STOX2: variants seen among roughly 807,000 people sequenced by gnomAD.
STOX2 encodes storkhead-box protein 2.
In STOX2, 28 loss-of-function variants were observed where a neutral mutation model predicts 60.9. That is an observed-to-expected ratio of 0.46 (90% confidence interval 0.34 to 0.63). The LOEUF is 0.63. Ranked by LOEUF, STOX2 falls within the 30% of genes least tolerant of loss-of-function variation. The pLI, the probability that STOX2 is intolerant of heterozygous loss-of-function variation, is 0.01. For synonymous variants in STOX2, 472 were observed against 463.9 expected, an observed-to-expected ratio of 1.02 and a Z score of -0.22; for missense variants, 1,024 against 1,187.7, an observed-to-expected ratio of 0.86 and a Z score of 2.03.
chr4:183,892,289 A>AT (rs71591605), intron 1 of STOX2, among the ~76,000 whole-genome samples: 1 of 151,950 alleles, frequency 6.6e-6, no homozygotes, highest in Non-Finnish European at 1.5e-5. Context: ...CATAGGTGTA[A>AT]TTTTTTTGAG....
intron 1 of STOX2, among the ~76,000 whole-genome samples, chr4:183,948,232 A>AC (rs1742957040): frequency 6.6e-6 from 1 of 150,554 alleles, no homozygotes; most frequent in African/African-American, 2.4e-5. Context: ...AAAAAAAAAA[A>AC]AAAAAAAAAA....
At chr4:183,921,537 G>A (rs1742099168) in intron 1 of STOX2, among the ~76,000 whole-genome samples, 1 of 152,166 alleles carries the variant, frequency 6.6e-6, no homozygotes, top group African/African-American at 2.4e-5. Context: ...CAGGAGGATG[G>A]GTTCAGTAAC....
In STOX2 at chr4:183,827,148, G is replaced by A. The variant is rs113022308; in HGVS notation, c.364+29093G>A. ...TGGCTGCAACCACCGTATTTTTATAGCACTGAAATAAAAATAACCCCTATT... is the reference window on the plus strand; with the variant it reads ...TGGCTGCAACCACCGTATTTTTATAACACTGAAATAAAAATAACCCCTATT... On this transcript the variant is annotated intron_variant, in intron 1 of 2. Coordinates refer to the STOX2 transcript ENST00000513034. Among the ~76,000 whole-genome samples the A allele has an allele frequency of 7.6e-3, 1,160 of 152,202 alleles. 12 individuals carry two copies. Among genetic ancestry groups the A allele is most frequent in the African/African-American group, 0.027 (1,125 of 41,514 alleles).
At chr4:183,878,197 A>G (rs1740875420) in intron 1 of STOX2, among the ~76,000 whole-genome samples, 3 of 152,224 alleles carry the variant, frequency 2.0e-5, no homozygotes, top group East Asian at 3.8e-4. Context: ...AGCTTCATTT[A>G]TACAACTCTG....
intron 1 of STOX2, among the ~76,000 whole-genome samples, chr4:183,920,654 C>G (rs1742074899): frequency 6.6e-6 from 1 of 152,270 alleles, no homozygotes; most frequent in East Asian, 1.9e-4. Flanking sequence ...ATAAAGCCTC[C>G]TAAGATCTGG....
intron 1 of STOX2, among the ~76,000 whole-genome samples, chr4:183,843,026 G>A (rs1243034926): frequency 6.6e-6 from 1 of 151,662 alleles, no homozygotes; most frequent in Non-Finnish European, 1.5e-5. Flanking sequence ...GCAGGTGCCT[G>A]TAATCCCAGC....
rs750484811 is a variant in STOX2 at position 183,825,916 on chromosome 4, C to G, written c.364+27861C>G. ...GATGGGGAGAAGGCGCGAGAAGGGT[C>G]GTTGGCTGTGAGCTGAAAATCGACA... On this transcript the variant is annotated intron_variant, in intron 1 of 2. Transcript: ENST00000513034. The surrounding 1 kb of genome is among the most constrained non-coding windows in gnomAD (Gnocchi z 4.1). Among the ~76,000 whole-genome samples the G allele has an allele frequency of 1.5e-4, 23 of 152,246 alleles. No individual in the cohort carries two copies. Among genetic ancestry groups the G allele is most frequent in the Non-Finnish European group, 2.6e-4 (18 of 67,998 alleles).
chr4:184,001,798 G>A lies in STOX2; in HGVS notation c.319+321G>A, dbSNP rs554230702. On this transcript the variant is annotated intron_variant, in intron 2 of 3. Transcript: ENST00000308497. The surrounding 1 kb of genome is among the most constrained non-coding windows in gnomAD (Gnocchi z 4.2). ...CTAATCTTTAAATACATGAACGTGAGGGTTCAACGGCTGAAAACTTTAGTC... is the reference window on the plus strand; with the variant it reads ...CTAATCTTTAAATACATGAACGTGAAGGTTCAACGGCTGAAAACTTTAGTC... Among the ~76,000 whole-genome samples, 1 of 152,106 alleles carries A rather than the reference G, an allele frequency of 6.6e-6. No homozygotes were observed. The highest frequency in any genetic ancestry group is 2.1e-4 in the South Asian group (1 of 4,812).
At chr4:183,925,839 A>G (rs990562497) in intron 1 of STOX2, among the ~76,000 whole-genome samples, 4 of 152,192 alleles carry the variant, frequency 2.6e-5, no homozygotes, top group African/African-American at 9.6e-5. Context: ...TAGCATATCA[A>G]TGGTTCTACT....
intron 1 of STOX2, among the ~76,000 whole-genome samples, chr4:183,878,987 T>C (rs1344022844): frequency 1.3e-5 from 2 of 152,146 alleles, no homozygotes; most frequent in Admixed American, 6.5e-5. Flanking sequence ...ATGGTGTCTG[T>C]TATTAAAAAA....
chr4:183,979,518 A>C (rs1326111678), intron 1 of STOX2, among the ~76,000 whole-genome samples: 1 of 152,178 alleles, frequency 6.6e-6, no homozygotes, highest in East Asian at 1.9e-4. Context: ...GAGATGATGA[A>C]AATGTTCTGT....
At chr4:183,971,333 A>G (rs556329819) in intron 1 of STOX2, among the ~76,000 whole-genome samples, 1 of 152,332 alleles carries the variant, frequency 6.6e-6, no homozygotes, top group African/African-American at 2.4e-5. Context: ...CGTGGATAGG[A>G]GAGGTTCAGA....
chr4:183,842,972 A>C (rs1739898545), intron 1 of STOX2, among the ~76,000 whole-genome samples: 1 of 152,016 alleles, frequency 6.6e-6, no homozygotes, highest in Admixed American at 6.6e-5. Context: ...AGATGGCGAA[A>C]CCCCATCTCT....
At chr4:183,818,240 G>A (rs1739200860) in intron 1 of STOX2, among the ~76,000 whole-genome samples, 1 of 152,002 alleles carries the variant, frequency 6.6e-6, no homozygotes, top group South Asian at 2.1e-4. Flanking sequence ...AGAGGACCCT[G>A]CGGCCTTCCT....
chr4:183,893,621 A>G (rs1480621444), intron 1 of STOX2, among the ~76,000 whole-genome samples: 1 of 152,186 alleles, frequency 6.6e-6, no homozygotes, highest in Non-Finnish European at 1.5e-5. Context: ...AAAATACACT[A>G]TTATTTTACA....
At chr4:183,894,425 A>AT (rs1203000079) in intron 1 of STOX2, among the ~76,000 whole-genome samples, 5 of 152,268 alleles carry the variant, frequency 3.3e-5, no homozygotes, top group African/African-American at 1.2e-4. Flanking sequence ...GCATCTCTGT[A>AT]TTTTTATTCT....
intron 1 of STOX2, among the ~76,000 whole-genome samples, chr4:183,844,631 G>T (rs1739944648): frequency 6.6e-6 from 1 of 152,142 alleles, no homozygotes; most frequent in Admixed American, 6.5e-5. Context: ...AAAACTCAAG[G>T]TGGGTCATTT....
At chr4:184,016,803 C>T (rs1290964399) in intron 3 of STOX2, among the ~76,000 whole-genome samples, 2 of 151,986 alleles carry the variant, frequency 1.3e-5, no homozygotes, top group African/African-American at 2.4e-5. Flanking sequence ...ATTTTGAAGT[C>T]GTTTCGTTGA....
intron 1 of STOX2, among the ~76,000 whole-genome samples, chr4:183,799,917 C>T (rs1446995114): frequency 6.6e-6 from 1 of 152,120 alleles, no homozygotes; most frequent in African/African-American, 2.4e-5. Context: ...ATGGGGCCTG[C>T]CAGCCTCTGT....
Sources: gnomAD v4.1 joint callset for allele counts (sites outside exome capture counted in the v4.1 genomes callset) on GRCh38, gnomAD v4.1.1 for gene constraint, Gnocchi (gnomAD v3.1) non-coding constraint, MANE v1.5 for transcripts, NCBI Gene and HGNC (gene_info 2026-07-23, HGNC 2026-07-21) for gene names.